ATP6V1A: variants seen among roughly 807,000 people sequenced by gnomAD.
The protein encoded by ATP6V1A is V-type proton ATPase catalytic subunit A.
ATP6V1A carries 18 observed loss-of-function variants against 70.1 expected under a neutral mutation model. That is an observed-to-expected ratio of 0.26 (90% CI 0.18 to 0.38). The LOEUF (loss-of-function observed/expected upper bound fraction) is 0.38. Among genes scored for constraint, ATP6V1A ranks in the 10% least tolerant of loss-of-function variants. The pLI, the probability that ATP6V1A is intolerant of heterozygous loss-of-function variation, is 1.00. For missense variants in ATP6V1A, 424 were observed against 772.4 expected (o/e 0.55, Z 5.35); for synonymous variants, 232 against 253.8 (o/e 0.91, Z 0.82).
intron 1 of ATP6V1A, among the ~76,000 whole-genome samples, chr3:113,761,718 A>G (rs1708707249): frequency 7.2e-6 from 1 of 139,692 alleles, no homozygotes; most frequent in African/African-American, 2.7e-5. Flanking sequence ...CCTGGGCAAC[A>G]AGAGCAAAAC....
At chr3:113,788,166 G>GT in intron 6 of ATP6V1A, among the ~76,000 whole-genome samples, 1 of 152,178 alleles carries the variant, frequency 6.6e-6, no homozygotes, top group South Asian at 2.1e-4. Context: ...TCCCACCTCA[G>GT]TCTCCCAAAG....
At chr3:113,787,979 G>T (rs1239404481) in intron 6 of ATP6V1A, among the ~76,000 whole-genome samples, 1 of 152,144 alleles carries the variant, frequency 6.6e-6, no homozygotes, top group East Asian at 1.9e-4. Flanking sequence ...GGAATGCAAT[G>T]GCTAGATCAT....
At chr3:113,784,939 G>T in intron 5 of ATP6V1A, 106 bp downstream of exon 5, 1 of 1,214,722 alleles carries the variant, frequency 8.2e-7, no homozygotes, top group Non-Finnish European at 1.1e-6. Context: ...TAATACATAA[G>T]TTTTGAGTAA....
chr3:113,803,467 T>C, intron 12 of ATP6V1A, 116 bp from the exon 13 acceptor site: 1 of 770,152 alleles, frequency 1.3e-6, no homozygotes, highest in Non-Finnish European at 2.1e-6. Flanking sequence ...TATAAGTAAA[T>C]TTATTAACAA....
chr3:113,767,357 G>C (rs969159967), intron 1 of ATP6V1A, among the ~76,000 whole-genome samples: 1 of 152,132 alleles, frequency 6.6e-6, no homozygotes, highest in Non-Finnish European at 1.5e-5. Flanking sequence ...AAAGTGCTCA[G>C]ATTACAGGTG....
intron 1 of ATP6V1A, among the ~76,000 whole-genome samples, chr3:113,759,892 A>T (rs376781389): frequency 1.3e-5 from 2 of 152,374 alleles, no homozygotes. Flanking sequence ...GGGGTGTTCA[A>T]TAAACAAAGC....
chr3:113,767,802 C>T (rs1708791281), intron 1 of ATP6V1A, among the ~76,000 whole-genome samples: 1 of 152,130 alleles, frequency 6.6e-6, no homozygotes, highest in Non-Finnish European at 1.5e-5. Context: ...AGGCACCTGC[C>T]ACCATGCCCA....
rs760419359 is a variant in ATP6V1A at position 113,798,483 on chromosome 3, G to T, written c.1494+37G>T. ...AATTCCATGGAAGATAGATCTGTGG[G>T]TTACACTGGGGTGTTTCAAGGACAG... On this transcript the variant is annotated intron_variant, in intron 12 of 14. Coordinates refer to ENST00000273398, the MANE Select transcript of ATP6V1A (RefSeq NM_001690.4). 13 of 1,603,504 alleles carry T rather than the reference G, an allele frequency of 8.1e-6. No homozygotes were observed. In the Admixed American group the frequency reaches 2.2e-4, roughly 27 times the overall value.
At chr3:113,764,366 GT>G (rs1243761765) in intron 1 of ATP6V1A, among the ~76,000 whole-genome samples, 34 of 152,332 alleles carry the variant, frequency 2.2e-4, no homozygotes, top group African/African-American at 8.2e-4. Flanking sequence ...ATAGTATACA[GT>G]TTAAGATGAC....
At chr3:113,792,957 A>G (rs1184887157) in intron 8 of ATP6V1A, among the ~76,000 whole-genome samples, 5 of 152,230 alleles carry the variant, frequency 3.3e-5, no homozygotes, top group Non-Finnish European at 7.3e-5. Flanking sequence ...TCTTGTGTGT[A>G]TGAACCATTT....
intron 1 of ATP6V1A, among the ~76,000 whole-genome samples, chr3:113,775,858 A>G (rs981157474): frequency 1.3e-5 from 2 of 152,166 alleles, no homozygotes; most frequent in Admixed American, 6.5e-5. Context: ...ATTTCACCTC[A>G]TTCACTTGTT....
chr3:113,785,506 C>CTT lies in ATP6V1A; in HGVS notation c.564+692_564+693dup, dbSNP rs987781968. Among the ~76,000 whole-genome samples, 102 of 107,156 alleles carry CTT rather than the reference C, an allele frequency of 9.5e-4. 1 individual carries two copies. The highest frequency in any genetic ancestry group is 3.7e-3 in the South Asian group (12 of 3,276). The allele number at this position is 107,156 out of a possible 152,430, so 70.3% of individuals were successfully genotyped here. ...TATTTGAATTCTCTTTTTTTCTTTT[C>CTT]TTTTTTTTTTTTTTTTTTTTGAGAC... On this transcript the variant is annotated intron_variant, in intron 5 of 14. Transcript: ENST00000273398.
chr3:113,755,234 A>T (rs1356499670), intron 1 of ATP6V1A, among the ~76,000 whole-genome samples: 1 of 152,104 alleles, frequency 6.6e-6, no homozygotes, highest in East Asian at 1.9e-4. Context: ...AATAAGGATA[A>T]TAAGAGTATT....
chr3:113,793,862 G>A (rs1386061157), intron 8 of ATP6V1A, among the ~76,000 whole-genome samples: 1 of 151,916 alleles, frequency 6.6e-6, no homozygotes, highest in African/African-American at 2.4e-5. Flanking sequence ...CATTATAAAA[G>A]TTCCAAAATC....
chr3:113,789,567 T>C (rs562369061), intron 7 of ATP6V1A, among the ~76,000 whole-genome samples, 165 bp from the exon 8 acceptor site: 27 of 152,018 alleles, frequency 1.8e-4, no homozygotes, highest in Non-Finnish European at 3.2e-4. Flanking sequence ...CATAGCACCG[T>C]GGAGCAGAGA....
intron 4 of ATP6V1A, 57 bp from the exon 5 acceptor site, chr3:113,784,639 G>C: frequency 6.3e-7 from 1 of 1,584,032 alleles, no homozygotes; most frequent in Non-Finnish European, 8.6e-7. Flanking sequence ...ATAGCAGCAG[G>C]GGCAAGTCTA....
intron 1 of ATP6V1A, among the ~76,000 whole-genome samples, chr3:113,764,531 T>C (rs949809582): frequency 5.9e-5 from 9 of 152,172 alleles, no homozygotes; most frequent in Non-Finnish European, 1.2e-4. Context: ...ATAAGCATAT[T>C]GCTTCTGAAA....
intron 1 of ATP6V1A, among the ~76,000 whole-genome samples, chr3:113,768,883 C>G (rs1708803615): frequency 6.6e-6 from 1 of 152,046 alleles, no homozygotes; most frequent in Non-Finnish European, 1.5e-5. Context: ...GCCACCGTGC[C>G]CAGCTGCCTG....
At chr3:113,755,291 C>A (rs1451783636) in intron 1 of ATP6V1A, among the ~76,000 whole-genome samples, 1 of 152,000 alleles carries the variant, frequency 6.6e-6, no homozygotes, top group African/African-American at 2.4e-5. Flanking sequence ...GGAATAATAA[C>A]TAGCACATAA....
Sources: allele counts gnomAD v4.1 joint callset (sites outside exome capture counted in the v4.1 genomes callset), GRCh38; gene constraint gnomAD v4.1.1; transcripts MANE v1.5; gene names NCBI Gene and HGNC (gene_info 2026-07-23, HGNC 2026-07-21).